CACNA1D: variants seen among roughly 807,000 people sequenced by gnomAD.
CACNA1D encodes calcium voltage-gated channel subunit alpha1 D, also known as voltage-dependent L-type calcium channel subunit alpha-1D.
A neutral mutation model predicts 257.1 loss-of-function variants in CACNA1D; 55 were observed. That is an observed-to-expected ratio of 0.21 (90% CI 0.17 to 0.27). The LOEUF is 0.27. Among genes scored for constraint, CACNA1D ranks in the 10% least tolerant of loss-of-function variants. The pLI, the probability that CACNA1D is intolerant of heterozygous loss-of-function variation, is 1.00. For missense variants in CACNA1D, 1,876 were observed against 2,784.0 expected, an observed-to-expected ratio of 0.67 and a Z score of 7.34; for synonymous variants, 980 against 1,014.9, an observed-to-expected ratio of 0.97 and a Z score of 0.65.
chr3:53,760,507 TG>T (rs894954675), intron 29 of CACNA1D, among the ~76,000 whole-genome samples: 6 of 152,204 alleles, frequency 3.9e-5, no homozygotes, highest in Non-Finnish European at 7.3e-5. Context: ...CCAGACTCTT[TG>T]GAAAAACACA....
chr3:53,657,743 A>C (rs2094162281), intron 4 of CACNA1D, among the ~76,000 whole-genome samples: 1 of 152,224 alleles, frequency 6.6e-6, no homozygotes, highest in Admixed American at 6.5e-5. Flanking sequence ...TACTCACTAC[A>C]GTTTCCAACT....
rs9867309 is a variant in CACNA1D at position 53,589,141 on chromosome 3, A to G, written c.484-61638A>G. ...ATGAATATTTCATCAAATGAACTTC[A>G]TGTCTTGTATTTCATTATTAATGTT... On this transcript the variant is annotated intron_variant, in intron 3 of 47. Coordinates refer to ENST00000350061, the MANE Select transcript of CACNA1D (RefSeq NM_001128840.3). Among the ~76,000 whole-genome samples, 345 of 152,292 alleles carry G rather than the reference A, an allele frequency of 2.3e-3. 2 individuals are homozygous for G. Among genetic ancestry groups the G allele is most frequent in the African/African-American group, 7.2e-3 (299 of 41,576 alleles).
At chr3:53,563,433 A>G (rs1300782399) in intron 3 of CACNA1D, among the ~76,000 whole-genome samples, 4 of 151,444 alleles carry the variant, frequency 2.6e-5, no homozygotes, top group Non-Finnish European at 4.4e-5. Flanking sequence ...CTGAGGCAGG[A>G]GAATCACTTG....
Position 53,673,397 on chromosome 3 carries a change from T to C in CACNA1D, c.1220+271T>C, listed in dbSNP as rs913653503. On this transcript the variant is annotated intron_variant, in intron 8 of 47. Transcript: ENST00000350061. This position sits in a 1 kb window ranked among gnomAD's most constrained non-coding sequence, Gnocchi z 4.1. ...AACAATTTCCATAGCATGCCCTTTT[T>C]TTGTCTGTTCTAAAGTGAGATACAT... Among the ~76,000 whole-genome samples the C allele has an allele frequency of 2.6e-5, 4 of 152,168 alleles. No individual in the cohort carries two copies. Among genetic ancestry groups the C allele is most frequent in the Non-Finnish European group, 5.9e-5 (4 of 68,024 alleles).
intron 8 of CACNA1D, among the ~76,000 whole-genome samples, chr3:53,698,855 A>G (rs900931004): frequency 1.3e-5 from 2 of 149,940 alleles, no homozygotes; most frequent in African/African-American, 4.9e-5. Flanking sequence ...TTTTGATCAG[A>G]CACACCATAA....
In CACNA1D at chr3:53,673,457, A is replaced by G. The variant is rs1454685283; in HGVS notation, c.1220+331A>G. The stretch of plus-strand genomic sequence containing the variant: ...CTTTATTTGTCTGGATCCAAATATA[A>G]TGCAGATTAATTGTTATAAAACGAT... On this transcript the variant is annotated intron_variant, in intron 8 of 47. Transcript: ENST00000350061. This position sits in a 1 kb window ranked among gnomAD's most constrained non-coding sequence, Gnocchi z 4.1. Among the ~76,000 whole-genome samples, 1 of 152,122 alleles carries G rather than the reference A, an allele frequency of 6.6e-6. No homozygotes were observed. Among genetic ancestry groups the G allele is most frequent in the Non-Finnish European group, 1.5e-5 (1 of 68,030 alleles).
chr3:53,618,145 G>C (rs1388581199), intron 3 of CACNA1D, among the ~76,000 whole-genome samples: 2 of 152,164 alleles, frequency 1.3e-5, no homozygotes, highest in Admixed American at 6.5e-5. Context: ...GTCCCACTTG[G>C]TAGACTCGAC....
chr3:53,538,834 C>G (rs538832319), intron 3 of CACNA1D, among the ~76,000 whole-genome samples: 1 of 152,274 alleles, frequency 6.6e-6, no homozygotes, highest in South Asian at 2.1e-4. Context: ...TATCCATAAA[C>G]AAACAGCTTT....
intron 6 of CACNA1D, 39 bp downstream of exon 6, chr3:53,665,851 T>G (rs1178937869): frequency 5.1e-6 from 8 of 1,578,108 alleles, no homozygotes; most frequent in Non-Finnish European, 6.9e-6. Flanking sequence ...ACTTTAAAAT[T>G]TTTTTGTTTT....
chr3:53,718,430 C>A, intron 10 of CACNA1D, 42 bp downstream of exon 10: 2 of 1,567,050 alleles, frequency 1.3e-6, no homozygotes, highest in South Asian at 2.2e-5. Flanking sequence ...CTCCTGTTGT[C>A]TCAGAGAAGC....
intron 40 of CACNA1D, among the ~76,000 whole-genome samples, chr3:53,795,190 TG>T (rs754312058): frequency 5.8e-4 from 89 of 152,370 alleles, no homozygotes; most frequent in Admixed American, 7.2e-4. Context: ...AGTGCACAAC[TG>T]GGACCAAGGA....
rs540856204 is a variant in CACNA1D, at chr3:53,789,657, G to C, written c.4923+2705G>C. ...ACAGCAGGGTGCCCCATGGCTGGCA[G>C]ACTGCGTGCTAATGGAAAGTGGAGC... On this transcript the variant is annotated intron_variant, in intron 40 of 47. Coordinates refer to ENST00000350061, the MANE Select transcript of CACNA1D (RefSeq NM_001128840.3). The surrounding 1 kb of genome is among the most constrained non-coding windows in gnomAD (Gnocchi z 4.2). Among the ~76,000 whole-genome samples, 85 of 152,316 alleles carry C rather than the reference G, an allele frequency of 5.6e-4. 2 individuals carry two copies. The South Asian group carries it at 0.017, about 31-fold the overall frequency.
chr3:53,573,661 A>G (rs1035437560), intron 3 of CACNA1D, among the ~76,000 whole-genome samples: 1 of 152,132 alleles, frequency 6.6e-6, no homozygotes, highest in Non-Finnish European at 1.5e-5. Context: ...TGACATCTCC[A>G]TGAGGGCAAG....
rs1446067211 is a variant in CACNA1D at position 53,751,526 on chromosome 3, C to T, written c.3517-223C>T. ...CACATGGGTAGGCACCCAGCTTACC[C>T]GGAGCTTGCTGGGAGGGTCAGCGAA... is the stretch of plus-strand genomic sequence containing the variant. On this transcript the variant is annotated intron_variant, in intron 27 of 47. Coordinates refer to ENST00000350061, the MANE Select transcript of CACNA1D (RefSeq NM_001128840.3). The surrounding 1 kb of genome is among the most constrained non-coding windows in gnomAD (Gnocchi z 4.3). Among the ~76,000 whole-genome samples the T allele has an allele frequency of 3.9e-5, 6 of 152,164 alleles. No individual in the cohort carries two copies. Among genetic ancestry groups the T allele is most frequent in the African/African-American group, 1.4e-4 (6 of 41,426 alleles).
At chr3:53,756,704 A>T (rs2095267387) in intron 29 of CACNA1D, among the ~76,000 whole-genome samples, 1 of 152,186 alleles carries the variant, frequency 6.6e-6, no homozygotes, top group African/African-American at 2.4e-5. Context: ...GAATTCTCCA[A>T]CAAGTTCTCT....
intron 3 of CACNA1D, among the ~76,000 whole-genome samples, chr3:53,633,916 C>T (rs2093851506): frequency 6.6e-6 from 1 of 152,186 alleles, no homozygotes; most frequent in African/African-American, 2.4e-5. Flanking sequence ...GATTCACCAA[C>T]ATTACTGTAA....
chr3:53,537,837 T>G (rs575309038), intron 3 of CACNA1D, among the ~76,000 whole-genome samples: 62 of 152,348 alleles, frequency 4.1e-4, no homozygotes, highest in Non-Finnish European at 7.3e-4. Context: ...AATATGTTCC[T>G]CTCTCCTCTG....
In CACNA1D at chr3:53,666,524, G is replaced by A. The variant is rs148674323; in HGVS notation, c.1105G>A (p.Val369Met). 56 of 1,613,254 alleles carry A rather than the reference G, an allele frequency of 3.5e-5. 1 individual carries two copies. The Middle Eastern group carries it at 9.9e-4, about 29-fold the overall frequency. ...QCITMEGWTD[V>M]LYWMNDAMGF... ...CATCACCATGGAGGGCTGGACAGATGTGCTCTACTGGGTAAGTACCCTGGG... is the reference window on the plus strand; with the variant it reads ...CATCACCATGGAGGGCTGGACAGATATGCTCTACTGGGTAAGTACCCTGGG... Residue 369 changes from valine (V) to methionine (M), a missense_variant, in exon 7 of 48, where the codon GTG becomes ATG. By Grantham distance (21) the Val-to-Met change is conservative. Transcript: ENST00000350061.
At chr3:53,735,940 G>A (rs2095053158) in intron 20 of CACNA1D, among the ~76,000 whole-genome samples, 1 of 152,204 alleles carries the variant, frequency 6.6e-6, no homozygotes, top group African/African-American at 2.4e-5. Context: ...TTGGAGGCAA[G>A]ATGCCTATGT....
Sources: allele counts gnomAD v4.1 joint callset (sites outside exome capture counted in the v4.1 genomes callset), GRCh38; gene constraint gnomAD v4.1.1; non-coding constraint Gnocchi (gnomAD v3.1); transcripts MANE v1.5; gene names NCBI Gene and HGNC (gene_info 2026-07-23, HGNC 2026-07-21).